The following BCL7B variants were observed in gnomAD, a reference collection of about 807,000 sequenced individuals.
The protein encoded by BCL7B is BAF chromatin remodeling complex subunit BCL7B, also known as B-cell CLL/lymphoma 7 protein family member B.
A neutral mutation model predicts 26.5 loss-of-function variants in BCL7B; 11 were observed. That is an observed-to-expected ratio of 0.42 (90% confidence interval 0.26 to 0.69). BCL7B has a LOEUF of 0.69. BCL7B is among the 30% of genes least tolerant of loss of function. The pLI is 0.28. For synonymous variants in BCL7B, 111 were observed against 107.9 expected, an observed-to-expected ratio of 1.03 and a Z score of -0.18; for missense variants, 215 against 264.4, an observed-to-expected ratio of 0.81 and a Z score of 1.30.
At chr7:73,551,123 G>C (rs1233652066) in intron 2 of BCL7B, among the ~76,000 whole-genome samples, 4 of 152,162 alleles carry the variant, frequency 2.6e-5, no homozygotes, top group Non-Finnish European at 5.9e-5. Context: ...TACAGTGGGG[G>C]ACTAATCGCA....
chr7:73,549,327 G>A (rs999607333), intron 2 of BCL7B, among the ~76,000 whole-genome samples: 3 of 152,220 alleles, frequency 2.0e-5, no homozygotes, highest in Non-Finnish European at 4.4e-5. Context: ...ACATAATGCT[G>A]AGCAAAAGAA....
intron 2 of BCL7B, among the ~76,000 whole-genome samples, chr7:73,550,373 C>T (rs1332831035): frequency 4.0e-5 from 6 of 151,836 alleles, no homozygotes; most frequent in East Asian, 2.0e-4. Flanking sequence ...TGGTGAAACC[C>T]GTCTCTACTT....
At position 73,556,946 on chromosome 7, in the gene BCL7B, G is replaced by A. The variant is rs1171127077; in HGVS notation, c.92+541C>T. 4.0e-6 allele frequency: 4 copies of A among 989,840 alleles called. No homozygotes were observed. In the East Asian group the frequency reaches 4.3e-4, roughly 106 times the overall value. The allele number at this position is 989,840 out of a possible 1,614,324, so 61.3% of individuals were successfully genotyped here. On this transcript the variant is annotated intron_variant, in intron 1 of 5. Transcript: ENST00000223368. ...AAGAGAAAATGCCTACCAAGCTCGC[G>A]GCGCAGGGGCCGGTTACTGGGGGAA... is the stretch of plus-strand genomic sequence containing the variant.
At chr7:73,547,271 T>C (rs1228050104) in intron 2 of BCL7B, among the ~76,000 whole-genome samples, 10 of 151,476 alleles carry the variant, frequency 6.6e-5, no homozygotes, top group Admixed American at 6.6e-4. Flanking sequence ...GAGACCAGCC[T>C]GGGAAATACA....
At chr7:73,556,925 G>C in intron 1 of BCL7B, 1 of 986,738 alleles carries the variant, frequency 1.0e-6, no homozygotes, top group Non-Finnish European at 1.2e-6. Flanking sequence ...GGCAGCAAGA[G>C]AAAATGCCTA....
At chr7:73,556,315 C>G (rs1262873463) in intron 1 of BCL7B, among the ~76,000 whole-genome samples, 1 of 152,082 alleles carries the variant, frequency 6.6e-6, no homozygotes, top group Non-Finnish European at 1.5e-5. Context: ...TTAAGGAAAG[C>G]TTCCTGGCGG....
At chr7:73,546,684 G>A (rs1303106003) in intron 2 of BCL7B, among the ~76,000 whole-genome samples, 8 of 151,270 alleles carry the variant, frequency 5.3e-5, no homozygotes, top group South Asian at 2.1e-4. Context: ...AAAAAAAGTC[G>A]TTTTGAGGAA....
intron 2 of BCL7B, chr7:73,543,896 G>A (rs1438531328): frequency 4.9e-6 from 2 of 407,578 alleles, no homozygotes; most frequent in South Asian, 5.0e-5. Context: ...CATACACTTC[G>A]ACTAGAACAT....
intron 2 of BCL7B, among the ~76,000 whole-genome samples, chr7:73,548,483 G>A (rs1430988675): frequency 2.0e-5 from 3 of 152,058 alleles, no homozygotes; most frequent in African/African-American, 7.2e-5. Context: ...TGGATGTGGT[G>A]GCATGTGACT....
Position 73,557,261 on chromosome 7 carries a change from C to A in BCL7B, c.92+226G>T, listed in dbSNP as rs553507622. On this transcript the variant is annotated intron_variant, in intron 1 of 5. Transcript: ENST00000223368. ...TCCCCTCCCAGGCGGCGCGCGGCAG[C>A]AGCCGCAGCAGGTGGGCGGGCCCGC... 6.6e-4 allele frequency: 735 copies of A among 1,120,140 alleles called. 2 individuals are homozygous for A. In the African/African-American group the frequency reaches 0.011, roughly 17 times the overall value. 69.4% of individuals were successfully genotyped at this position (1,120,140 alleles called of 1,614,324 possible).
At chr7:73,548,067 A>G (rs1424291032) in intron 2 of BCL7B, among the ~76,000 whole-genome samples, 7 of 152,118 alleles carry the variant, frequency 4.6e-5, no homozygotes, top group African/African-American at 1.7e-4. Flanking sequence ...GCAGTGAGCC[A>G]AGATTACGTC....
rs533790778 is a variant in BCL7B, at chr7:73,548,168, G to A, written c.168+3999C>T. Among the ~76,000 whole-genome samples, 10 of 152,030 alleles carry A rather than the reference G, an allele frequency of 6.6e-5. No individual in the cohort carries two copies. In the South Asian group the frequency reaches 1.7e-3, roughly 25 times the overall value. ...GGCGAGCCTGGGCGCAGTGGCTCAC[G>A]CCTGTAATCCCAGCACTTCGGAAGG... On this transcript the variant is annotated intron_variant, in intron 2 of 5. Coordinates refer to ENST00000223368, the MANE Select transcript of BCL7B (RefSeq NM_001707.4).
At position 73,557,674 on chromosome 7, in the gene BCL7B, G is replaced by T; in HGVS notation, c.-96C>A. 1 of 701,016 alleles carries T rather than the reference G, an allele frequency of 1.4e-6. No individual in the cohort carries two copies. The highest frequency in any genetic ancestry group is 1.8e-6 in the Non-Finnish European group (1 of 548,686). The allele number at this position is 701,016 out of a possible 1,614,324, so 43.4% of individuals were successfully genotyped here. A position where few individuals can be genotyped will look rare whatever the true frequency, so the allele number is the denominator to read the frequency against. On this transcript the variant is annotated 5_prime_UTR_variant, in exon 1 of 6. Transcript: ENST00000223368. ...GCCGCCCGCCCGCCGCCGCCGCAGC[G>T]TCACAGCGGCCGTCGCCCCCTCCGT...
At chr7:73,554,045 G>A (rs1200719779) in intron 1 of BCL7B, among the ~76,000 whole-genome samples, 1 of 148,498 alleles carries the variant, frequency 6.7e-6, no homozygotes, top group Admixed American at 6.9e-5. Flanking sequence ...ACCACTCCTT[G>A]CGGCCTCAAA....
chr7:73,542,159 C>A (rs1374123726), intron 3 of BCL7B, among the ~76,000 whole-genome samples: 1 of 152,228 alleles, frequency 6.6e-6, no homozygotes, highest in Non-Finnish European at 1.5e-5. Context: ...CTCACTTGTC[C>A]TTGACTCCCC....
intron 4 of BCL7B, 133 bp downstream of exon 4, chr7:73,539,749 G>A: frequency 9.9e-7 from 1 of 1,010,426 alleles, no homozygotes. Flanking sequence ...TCATTCCTAA[G>A]CTATCGAGAA....
At position 73,557,201 on chromosome 7, in the gene BCL7B, C is replaced by A. The variant is rs7793710; in HGVS notation, c.92+286G>T. 9.6e-6 allele frequency: 10 copies of A among 1,043,392 alleles called. No individual in the cohort carries two copies. The African/African-American group carries it at 1.4e-4, about 14-fold the overall frequency. The allele number at this position is 1,043,392 out of a possible 1,614,324, so 64.6% of individuals were successfully genotyped here. A position where few individuals can be genotyped will look rare whatever the true frequency, so the allele number is the denominator to read the frequency against. On this transcript the variant is annotated intron_variant, in intron 1 of 5. Coordinates refer to ENST00000223368, the MANE Select transcript of BCL7B (RefSeq NM_001707.4). ...GGGCTGGGCCGGGCGCGGGCACCGA[C>A]GCCAGGCAGCTCCAGTCCGGGCCGG... is the stretch of plus-strand genomic sequence containing the variant.
chr7:73,548,399 G>C (rs1319474289), intron 2 of BCL7B, among the ~76,000 whole-genome samples: 2 of 152,078 alleles, frequency 1.3e-5, no homozygotes, highest in Non-Finnish European at 2.9e-5. Flanking sequence ...CTGTACTCCA[G>C]ACTGAGCAAC....
chr7:73,550,161 A>G (rs1363697186), intron 2 of BCL7B, among the ~76,000 whole-genome samples: 1 of 152,256 alleles, frequency 6.6e-6, no homozygotes, highest in African/African-American at 2.4e-5. Context: ...GAAAATATGT[A>G]GATAAAGGTA....
Sources: allele counts gnomAD v4.1 joint callset (sites outside exome capture counted in the v4.1 genomes callset), GRCh38; gene constraint gnomAD v4.1.1; transcripts MANE v1.5; gene names NCBI Gene and HGNC (gene_info 2026-07-23, HGNC 2026-07-21).